Variants in ACBD6 observed in about 807,000 individuals in gnomAD.
ACBD6 encodes acyl-CoA binding domain containing 6.
In ACBD6, 28 loss-of-function variants were observed where a neutral mutation model predicts 37.2. The ratio of observed to expected loss-of-function variants is 0.75; its 90% CI spans 0.56 to 1.03. The LOEUF (loss-of-function observed/expected upper bound fraction) is 1.03, where lower values mean the gene tolerates loss of function less well. ACBD6 is among the 50% of genes least tolerant of loss of function. The pLI is 0.00. For synonymous variants in ACBD6, 113 were observed against 126.8 expected, an observed-to-expected ratio of 0.89 and a Z score of 0.73; for missense variants, 340 against 337.4, an observed-to-expected ratio of 1.01 and a Z score of -0.06.
intron 3 of ACBD6, chr1:180,435,335 G>A (rs1200042219): frequency 2.3e-6 from 1 of 433,946 alleles, no homozygotes; most frequent in Non-Finnish European, 4.3e-6. Context: ...TGCAAGCTCC[G>A]TCTCCTGGTT....
Position 180,329,694 on chromosome 1 carries a change from G to A in ACBD6, c.664-14972C>T, listed in dbSNP as rs550694001. 1.1e-3 allele frequency among the ~76,000 whole-genome samples: 160 copies of A among 152,070 alleles called. 1 individual carries two copies. Among genetic ancestry groups the A allele is most frequent in the Non-Finnish European group, 2.1e-3 (144 of 67,994 alleles). ...TTTTTTTAACATTCTATGGAAGCTT[G>A]TATTCAAATAGAATCTGGAATGACA... On this transcript the variant is annotated intron_variant, in intron 6 of 7. Transcript: ENST00000367595.
chr1:180,466,522 C>T (rs1222376844), intron 3 of ACBD6, among the ~76,000 whole-genome samples: 1 of 152,176 alleles, frequency 6.6e-6, no homozygotes, highest in Non-Finnish European at 1.5e-5. Flanking sequence ...GAGCTTGACA[C>T]TTTCCCAACA....
chr1:180,334,435 C>G (rs1651621131), intron 6 of ACBD6, among the ~76,000 whole-genome samples: 1 of 152,188 alleles, frequency 6.6e-6, no homozygotes. Flanking sequence ...TAAACTCCTA[C>G]AGACCTGCAG....
intron 6 of ACBD6, among the ~76,000 whole-genome samples, chr1:180,364,546 C>T (rs944832672): frequency 1.3e-5 from 2 of 152,114 alleles, no homozygotes; most frequent in African/African-American, 4.8e-5. Context: ...TATAGGTAAG[C>T]AGACATAGAT....
At chr1:180,485,884 A>G (rs1250652177) in intron 3 of ACBD6, among the ~76,000 whole-genome samples, 1 of 152,170 alleles carries the variant, frequency 6.6e-6, no homozygotes. Flanking sequence ...AATAAAAGAA[A>G]AATCCATGAG....
chr1:180,270,896 C>CGTATCATTAAA, exon 14 of ACBD6: 1 of 234,848 alleles, frequency 4.3e-6, no homozygotes. Context: ...GGCTGTGAGC[C>CGTATCATTAAA]CAGCGACGCC....
intron 6 of ACBD6, among the ~76,000 whole-genome samples, chr1:180,370,986 T>C (rs1407766960): frequency 6.6e-6 from 1 of 152,140 alleles, no homozygotes; most frequent in Non-Finnish European, 1.5e-5. Context: ...CCTTGTTTAT[T>C]AGTTCTGTTT....
At chr1:180,500,707 A>G (rs1450440325) in intron 1 of ACBD6, among the ~76,000 whole-genome samples, 2 of 150,984 alleles carry the variant, frequency 1.3e-5, no homozygotes, top group African/African-American at 2.4e-5. Flanking sequence ...AAAAAAAAAA[A>G]AAAAAGTGTC....
intron 6 of ACBD6, among the ~76,000 whole-genome samples, chr1:180,350,644 A>C (rs1652372994): frequency 2.0e-5 from 3 of 152,110 alleles, no homozygotes; most frequent in Non-Finnish European, 2.9e-5. Flanking sequence ...AGTCTGCCCG[A>C]GCTGTTTCTG....
chr1:180,357,679 G>A (rs1188099776), intron 6 of ACBD6, among the ~76,000 whole-genome samples: 1 of 152,170 alleles, frequency 6.6e-6, no homozygotes, highest in Non-Finnish European at 1.5e-5. Context: ...CATCAAGACA[G>A]GTCTCAGTAG....
intron 7 of ACBD6, among the ~76,000 whole-genome samples, chr1:180,291,194 A>C (rs796930160): frequency 3.9e-5 from 6 of 152,300 alleles, no homozygotes; most frequent in African/African-American, 1.4e-4. Context: ...ACAGTTGGGT[A>C]AAGGTCTTTG....
rs759248058 is a variant in ACBD6 at position 180,489,905 on chromosome 1, C to T, written c.384+2364G>A. On this transcript the variant is annotated intron_variant, in intron 3 of 7. Coordinates refer to ENST00000367595, the MANE Select transcript of ACBD6 (RefSeq NM_032360.4). ...AACTCCTGACCTCAGGTGATCCACC[C>T]GCCTCAGCCTCCCAAAGTGTTGGGA... Among the ~76,000 whole-genome samples, 92 of 152,266 alleles carry T rather than the reference C, an allele frequency of 6.0e-4. 1 individual carries two copies. The highest frequency in any genetic ancestry group is 2.2e-3 in the Admixed American group (33 of 15,298).
At chr1:180,495,891 A>G (rs1168672089) in intron 1 of ACBD6, among the ~76,000 whole-genome samples, 2 of 152,222 alleles carry the variant, frequency 1.3e-5, no homozygotes, top group Non-Finnish European at 1.5e-5. Context: ...TATGAAATTA[A>G]TAAGGTTTAG....
At chr1:180,473,204 T>G (rs1650636148) in intron 3 of ACBD6, among the ~76,000 whole-genome samples, 1 of 152,066 alleles carries the variant, frequency 6.6e-6, no homozygotes, top group Admixed American at 6.6e-5. Context: ...TCCCAGCACT[T>G]TGGGAGGCCG....
At chr1:180,500,369 C>G (rs1369111756) in intron 1 of ACBD6, among the ~76,000 whole-genome samples, 2 of 152,088 alleles carry the variant, frequency 1.3e-5, no homozygotes, top group Non-Finnish European at 2.9e-5. Flanking sequence ...TATGTTCAAA[C>G]CTAGACTCCT....
intron 7 of ACBD6, among the ~76,000 whole-genome samples, chr1:180,306,681 A>G (rs1650392342): frequency 6.6e-6 from 1 of 152,238 alleles, no homozygotes; most frequent in African/African-American, 2.4e-5. Flanking sequence ...GCAGATGAAC[A>G]TCACAGATTA....
At chr1:180,490,898 C>T (rs909485309) in intron 3 of ACBD6, among the ~76,000 whole-genome samples, 4 of 143,858 alleles carry the variant, frequency 2.8e-5, no homozygotes, top group Non-Finnish European at 6.0e-5. Flanking sequence ...GTGGAGGTTA[C>T]GTTGAGCCAA....
intron 7 of ACBD6, among the ~76,000 whole-genome samples, chr1:180,291,385 T>A (rs1006261118): frequency 6.6e-6 from 1 of 152,218 alleles, no homozygotes; most frequent in African/African-American, 2.4e-5. Context: ...TTTACTATTA[T>A]TAAAAATATT....
chr1:180,358,608 T>G (rs1357473325), intron 6 of ACBD6, among the ~76,000 whole-genome samples: 2 of 151,244 alleles, frequency 1.3e-5, no homozygotes, highest in African/African-American at 4.9e-5. Context: ...AAATCAATGA[T>G]GTACTCTTTG....
Sources: allele counts gnomAD v4.1 joint callset (sites outside exome capture counted in the v4.1 genomes callset), GRCh38; gene constraint gnomAD v4.1.1; transcripts MANE v1.5; gene names NCBI Gene and HGNC (gene_info 2026-07-23, HGNC 2026-07-21).